ACER2: variants seen among roughly 807,000 people sequenced by gnomAD.
ACER2 encodes the protein alkCDase 2.
Under a neutral mutation model 34.7 loss-of-function variants are expected in ACER2, and 26 were observed. The observed-to-expected ratio is 0.75, with a 90% CI of 0.55 to 1.04. The LOEUF (loss-of-function observed/expected upper bound fraction) is 1.04. Ranked by LOEUF, ACER2 falls within the 50% of genes least tolerant of loss-of-function variation. The pLI, the probability that ACER2 is intolerant of heterozygous loss-of-function variation, is 0.00. For missense variants in ACER2, 352 were observed against 340.8 expected, an observed-to-expected ratio of 1.03 and a Z score of -0.26; for synonymous variants, 138 against 132.1, an observed-to-expected ratio of 1.04 and a Z score of -0.31.
intron 1 of ACER2, among the ~76,000 whole-genome samples, chr9:19,418,337 C>T (rs191415322): frequency 5.7e-4 from 87 of 152,064 alleles, no homozygotes; most frequent in Admixed American, 5.7e-3. Flanking sequence ...CCCAGCAATG[C>T]CATTACTAGG....
rs59209941 is a variant in ACER2 at position 19,412,656 on chromosome 9, CAAA to C, written c.108+3481_108+3483del. 6.0e-3 allele frequency among the ~76,000 whole-genome samples: 551 copies of C among 91,812 alleles called. 2 individuals carry two copies. The highest frequency in any genetic ancestry group is 0.017 in the African/African-American group (507 of 29,680). The allele number at this position is 91,812 out of a possible 152,430, so 60.2% of individuals were successfully genotyped here. A position where few individuals can be genotyped will look rare whatever the true frequency, so the allele number is the denominator to read the frequency against. On this transcript the variant is annotated intron_variant, in intron 1 of 5. Coordinates refer to ENST00000340967, the MANE Select transcript of ACER2 (RefSeq NM_001010887.3). ...TGGGCAACAGAGCAAGATTCTGTCT[CAAA>C]AAAAAAAAAAAAAAAACCAGCATGT...
At chr9:19,448,282 G>A (rs1831438907) in intron 5 of ACER2, among the ~76,000 whole-genome samples, 1 of 152,088 alleles carries the variant, frequency 6.6e-6, no homozygotes, top group African/African-American at 2.4e-5. Flanking sequence ...CCAAAGTGCT[G>A]GGATTACAGG....
intron 4 of ACER2, among the ~76,000 whole-genome samples, chr9:19,439,340 C>T (rs923163170): frequency 8.6e-6 from 1 of 116,444 alleles, no homozygotes; most frequent in African/African-American, 3.1e-5. Flanking sequence ...TCTAAAGGGG[C>T]TTGCTTTTTT....
At chr9:19,423,632 T>C (rs1186288861) in intron 1 of ACER2, among the ~76,000 whole-genome samples, 2 of 151,576 alleles carry the variant, frequency 1.3e-5, no homozygotes, top group Non-Finnish European at 2.9e-5. Context: ...ACTCGGGAGG[T>C]AGAGGTTGCA....
chr9:19,410,362 C>G (rs548678804), intron 1 of ACER2, among the ~76,000 whole-genome samples: 3 of 152,302 alleles, frequency 2.0e-5, no homozygotes, highest in African/African-American at 7.2e-5. Flanking sequence ...AAATCCATGG[C>G]TGGCTTCCAC....
At chr9:19,416,060 CTT>C (rs10645109) in intron 1 of ACER2, among the ~76,000 whole-genome samples, 20 of 144,902 alleles carry the variant, frequency 1.4e-4, no homozygotes, top group East Asian at 2.0e-4. Context: ...AACTTTATTC[CTT>C]TTTTTTTTTT....
chr9:19,428,073 CT>C (rs1215183210), intron 3 of ACER2, among the ~76,000 whole-genome samples: 12 of 122,854 alleles, frequency 9.8e-5, no homozygotes, highest in Non-Finnish European at 1.7e-4. Flanking sequence ...CTTTCCTTTC[CT>C]TTCCTTCTCT....
At chr9:19,447,411 G>C (rs888489750) in intron 5 of ACER2, among the ~76,000 whole-genome samples, 14 of 152,156 alleles carry the variant, frequency 9.2e-5, no homozygotes, top group African/African-American at 3.4e-4. Flanking sequence ...CTAAATTTAA[G>C]ACTTGGGGAC....
At chr9:19,430,709 G>A (rs1470430324) in intron 3 of ACER2, among the ~76,000 whole-genome samples, 2 of 152,166 alleles carry the variant, frequency 1.3e-5, no homozygotes, top group Non-Finnish European at 2.9e-5. Flanking sequence ...TGTAATCTCA[G>A]CACTTTGGGA....
intron 1 of ACER2, among the ~76,000 whole-genome samples, chr9:19,419,459 T>G (rs1200990886): frequency 6.6e-6 from 1 of 152,110 alleles, no homozygotes; most frequent in African/African-American, 2.4e-5. Context: ...GAGAGAAAGA[T>G]CCGCAACAAA....
chr9:19,418,844 T>TA (rs1204531278), intron 1 of ACER2, among the ~76,000 whole-genome samples: 2 of 151,984 alleles, frequency 1.3e-5, no homozygotes, highest in Non-Finnish European at 1.5e-5. Flanking sequence ...AAAGTGTAAT[T>TA]AAAAAAAGAA....
intron 1 of ACER2, among the ~76,000 whole-genome samples, chr9:19,411,203 T>C (rs1176905837): frequency 6.6e-6 from 1 of 152,226 alleles, no homozygotes; most frequent in Non-Finnish European, 1.5e-5. Flanking sequence ...TTCAGCTGCA[T>C]TGTCTGGCTG....
chr9:19,410,361 G>A (rs1004999959), intron 1 of ACER2, among the ~76,000 whole-genome samples: 65 of 152,150 alleles, frequency 4.3e-4, no homozygotes, highest in African/African-American at 1.5e-3. Flanking sequence ...GAAATCCATG[G>A]CTGGCTTCCA....
At chr9:19,435,844 T>G (rs1168051726) in intron 4 of ACER2, among the ~76,000 whole-genome samples, 1 of 151,760 alleles carries the variant, frequency 6.6e-6, no homozygotes, top group Non-Finnish European at 1.5e-5. Flanking sequence ...GGTCAGGAGA[T>G]GGAGACCATC....
At chr9:19,448,697 C>A (rs556637338) in intron 5 of ACER2, among the ~76,000 whole-genome samples, 1 of 152,110 alleles carries the variant, frequency 6.6e-6, no homozygotes, top group South Asian at 2.1e-4. Context: ...TCTCCATTAA[C>A]CTGTTTGAGA....
intron 4 of ACER2, among the ~76,000 whole-genome samples, chr9:19,440,409 C>T (rs7037834): frequency 0.14 from 20,680 of 152,116 alleles, 1,662 homozygotes; most frequent in South Asian, 0.27. Context: ...AGGAGGTGGG[C>T]CCTTTTGGAA....
intron 3 of ACER2, among the ~76,000 whole-genome samples, chr9:19,433,774 G>A (rs1253147026): frequency 7.2e-4 from 109 of 151,642 alleles, no homozygotes; most frequent in African/African-American, 2.4e-3. Context: ...GCGGCTGGCC[G>A]GGCGGGGGGC....
intron 3 of ACER2, among the ~76,000 whole-genome samples, chr9:19,425,274 G>C (rs531693027): frequency 1.3e-5 from 2 of 152,230 alleles, no homozygotes; most frequent in African/African-American, 4.8e-5. Context: ...AGATACTGTA[G>C]TTTTCAAGTT....
rs747665619 is a variant in ACER2, at chr9:19,450,548, T to C, written c.740T>C (p.Phe247Ser). The C allele has an allele frequency of 4.3e-6, 7 of 1,611,808 alleles. No homozygotes were observed. Among genetic ancestry groups the C allele is most frequent in the Non-Finnish European group, 5.1e-6 (6 of 1,178,154 alleles). Reference sequence around the variant, plus strand: ...CCTGAGCAAGGCCCTGTCATCAAGTTCTGGCCCAATGAGAAATGGGCCTTC... The same window carrying C: ...CCTGAGCAAGGCCCTGTCATCAAGTCCTGGCCCAATGAGAAATGGGCCTTC... Reference protein sequence around the residue: ...EIPEQGPVIKFWPNEKWAFIG... With the variant: ...EIPEQGPVIKSWPNEKWAFIG... Residue 247 changes from phenylalanine to serine, a missense_variant, in exon 6 of 6, where the codon TTC becomes TCC. Physicochemically the swap from Phe to Ser is radical, Grantham distance 155. Transcript: ENST00000340967.
Sources: gnomAD v4.1 joint callset for allele counts (sites outside exome capture counted in the v4.1 genomes callset) on GRCh38, gnomAD v4.1.1 for gene constraint, MANE v1.5 for transcripts, NCBI Gene and HGNC (gene_info 2026-07-23, HGNC 2026-07-21) for gene names.